The following CDH13 variants were observed in gnomAD, a reference collection of about 807,000 sequenced individuals.
The protein encoded by CDH13 is cadherin-13.
A neutral mutation model predicts 63.8 loss-of-function variants in CDH13; 24 were observed. The ratio of observed to expected loss-of-function variants is 0.38; its 90% confidence interval spans 0.27 to 0.53. CDH13 has a LOEUF of 0.53. Ranked by LOEUF, CDH13 falls within the 20% of genes least tolerant of loss-of-function variation. The pLI is 0.85. For missense variants in CDH13, 1,049 were observed against 903.1 expected (o/e 1.16, Z -2.07); for synonymous variants, 503 against 355.3 (o/e 1.42, Z -4.67).
At chr16:83,516,026 A>G (rs2074691501) in intron 7 of CDH13, among the ~76,000 whole-genome samples, 1 of 152,214 alleles carries the variant, frequency 6.6e-6, no homozygotes, top group Admixed American at 6.5e-5. Flanking sequence ...AAATCAATTC[A>G]AACATTGTTC....
intron 7 of CDH13, among the ~76,000 whole-genome samples, chr16:83,596,950 C>T (rs897834217): frequency 2.0e-5 from 3 of 152,128 alleles, no homozygotes; most frequent in Non-Finnish European, 2.9e-5. Context: ...GGGCAGGGCA[C>T]GGTGTCTCAT....
At chr16:82,797,894 C>A (rs1048750125) in intron 1 of CDH13, among the ~76,000 whole-genome samples, 4 of 151,910 alleles carry the variant, frequency 2.6e-5, no homozygotes, top group Admixed American at 2.6e-4. Flanking sequence ...ACACCACAGC[C>A]TTCTCAGAAG....
intron 1 of CDH13, among the ~76,000 whole-genome samples, chr16:82,665,894 G>C (rs1054162263): frequency 6.6e-6 from 1 of 152,102 alleles, no homozygotes; most frequent in African/African-American, 2.4e-5. Context: ...TCATATAAGA[G>C]TATTGTACCA....
intron 2 of CDH13, among the ~76,000 whole-genome samples, chr16:82,995,307 C>G (rs891146199): frequency 8.5e-5 from 13 of 152,182 alleles, no homozygotes; most frequent in African/African-American, 3.1e-4. Flanking sequence ...ACTACTTTCT[C>G]CAGCCACCTT....
chr16:83,179,083 G>C (rs114279736), intron 4 of CDH13, among the ~76,000 whole-genome samples: 4,603 of 152,224 alleles, frequency 0.03, 229 homozygotes, highest in African/African-American at 0.1. Flanking sequence ...TATGGAATTC[G>C]AGTCTCACAT....
chr16:83,229,374 T>A (rs1187631971), intron 5 of CDH13, among the ~76,000 whole-genome samples: 3 of 152,228 alleles, frequency 2.0e-5, no homozygotes, highest in Non-Finnish European at 2.9e-5. Flanking sequence ...AAACCTTTAT[T>A]TTTTAATTCA....
chr16:82,737,299 C>G (rs755908275), intron 1 of CDH13, among the ~76,000 whole-genome samples: 5 of 152,216 alleles, frequency 3.3e-5, no homozygotes, highest in Non-Finnish European at 5.9e-5. Flanking sequence ...TCTCCCATGT[C>G]TCTCTCTTTG....
At chr16:82,651,288 C>T (rs1242800045) in intron 1 of CDH13, among the ~76,000 whole-genome samples, 2 of 152,226 alleles carry the variant, frequency 1.3e-5, no homozygotes, top group African/African-American at 4.8e-5. Flanking sequence ...ATTAAAGCTT[C>T]TGAATATGAT....
At chr16:83,609,025 CT>C (rs1196746546) in intron 8 of CDH13, among the ~76,000 whole-genome samples, 6 of 151,518 alleles carry the variant, frequency 4.0e-5, no homozygotes, top group African/African-American at 1.2e-4. Flanking sequence ...AGTTTAGAAA[CT>C]TTTTTTTTGT....
intron 5 of CDH13, among the ~76,000 whole-genome samples, chr16:83,254,268 G>A (rs540112402): frequency 5.9e-5 from 9 of 152,304 alleles, no homozygotes; most frequent in African/African-American, 2.2e-4. Flanking sequence ...ATAAGAAAGC[G>A]TATAGCTCAC....
chr16:83,069,754 C>A, intron 3 of CDH13, among the ~76,000 whole-genome samples: 1 of 152,172 alleles, frequency 6.6e-6, no homozygotes. Flanking sequence ...CCAGTGCTAA[C>A]CCTGTTCAGA....
chr16:83,087,636 C>G (rs529950781), intron 3 of CDH13, among the ~76,000 whole-genome samples: 5 of 140,706 alleles, frequency 3.6e-5, no homozygotes, highest in African/African-American at 1.4e-4. Context: ...TCATTGCACT[C>G]CAGCCCGGGC....
intron 5 of CDH13, among the ~76,000 whole-genome samples, chr16:83,273,110 T>C (rs2088875932): frequency 6.6e-6 from 1 of 152,164 alleles, no homozygotes; most frequent in African/African-American, 2.4e-5. Flanking sequence ...GAGCAGTCTT[T>C]CACCCTAGTT....
rs1336153032 is a variant in CDH13 at position 83,747,959 on chromosome 16, T to C, written c.1539-149T>C. The C allele has an allele frequency of 1.1e-5, 9 of 813,072 alleles. No homozygotes were observed. The East Asian group carries it at 1.5e-4, about 13-fold the overall frequency. 50.4% of individuals were successfully genotyped at this position (813,072 alleles called of 1,614,324 possible). ...CAGAGTCAGTGGCCTCTTGACTTTG[T>C]GAATGAGCAACTGTAACAGAAATGA... On this transcript the variant is annotated intron_variant, in intron 10 of 13. Transcript: ENST00000567109.
At chr16:83,237,796 A>T (rs562766507) in intron 5 of CDH13, among the ~76,000 whole-genome samples, 1 of 152,322 alleles carries the variant, frequency 6.6e-6, no homozygotes, top group South Asian at 2.1e-4. Context: ...CACTGTCGAG[A>T]TAAAATGAGG....
chr16:82,900,429 A>G (rs1448301513), intron 2 of CDH13, among the ~76,000 whole-genome samples: 1 of 24,258 alleles, frequency 4.1e-5, no homozygotes, highest in African/African-American at 1.9e-4. Flanking sequence ...CAAGAAGTAC[A>G]GGGATGATAC....
chr16:83,372,595 T>C (rs1258633473), intron 6 of CDH13, among the ~76,000 whole-genome samples: 3 of 151,478 alleles, frequency 2.0e-5, no homozygotes, highest in Admixed American at 2.0e-4. Flanking sequence ...CTACTAAAAA[T>C]ATAAAAATTT....
chr16:82,981,649 T>C (rs1471791016), intron 2 of CDH13, among the ~76,000 whole-genome samples: 2 of 152,220 alleles, frequency 1.3e-5, no homozygotes, highest in African/African-American at 4.8e-5. Context: ...AAGAAATTCA[T>C]GAAAAACACC....
intron 4 of CDH13, among the ~76,000 whole-genome samples, chr16:83,206,923 CA>C (rs1331382343): frequency 6.6e-6 from 1 of 152,046 alleles, no homozygotes; most frequent in African/African-American, 2.4e-5. Context: ...GTTAAACAAA[CA>C]AACACATTAA....
Sources: allele counts gnomAD v4.1 joint callset (sites outside exome capture counted in the v4.1 genomes callset), GRCh38; gene constraint gnomAD v4.1.1; transcripts MANE v1.5; gene names NCBI Gene and HGNC (gene_info 2026-07-23, HGNC 2026-07-21).